The following LDLRAD3 variants were observed in gnomAD, a reference collection of about 807,000 sequenced individuals.
LDLRAD3 encodes the protein low-density lipoprotein receptor class A domain-containing protein 3.
Under a neutral mutation model 29.4 loss-of-function variants are expected in LDLRAD3, and 20 were observed. The observed-to-expected ratio is 0.68, with a 90% CI of 0.48 to 0.99. LDLRAD3 has a LOEUF of 0.99. Ranked by LOEUF, LDLRAD3 falls within the 50% of genes least tolerant of loss-of-function variation. The pLI, the probability that LDLRAD3 is intolerant of heterozygous loss-of-function variation, is 0.00. For missense variants in LDLRAD3, 420 were observed against 454.3 expected (o/e 0.92, Z 0.69); for synonymous variants, 157 against 192.7 (o/e 0.81, Z 1.53).
intron 1 of LDLRAD3, among the ~76,000 whole-genome samples, chr11:35,982,081 T>C (rs2133157969): frequency 6.6e-6 from 1 of 152,300 alleles, no homozygotes; most frequent in South Asian, 2.1e-4. Context: ...AATAGTTTTC[T>C]GGAGTGGGTG....
chr11:36,055,518 C>G lies in LDLRAD3; in HGVS notation c.193+19269C>G, dbSNP rs748449649. Among the ~76,000 whole-genome samples the G allele has an allele frequency of 3.0e-4, 45 of 152,312 alleles. 1 individual carries two copies. Among genetic ancestry groups the G allele is most frequent in the Middle Eastern group, 6.8e-3 (2 of 294 alleles). On this transcript the variant is annotated intron_variant, in intron 2 of 5. Coordinates refer to ENST00000315571, the MANE Select transcript of LDLRAD3 (RefSeq NM_174902.4). Reference sequence around the variant, plus strand: ...GCCTCACTGGCTTCTCCATTTAATTCCATGGTGCTAGGGGCACTCCCACTG... The same window carrying G: ...GCCTCACTGGCTTCTCCATTTAATTGCATGGTGCTAGGGGCACTCCCACTG...
At chr11:36,071,005 C>T (rs4545528) in intron 2 of LDLRAD3, among the ~76,000 whole-genome samples, 32,593 of 152,034 alleles carry the variant, frequency 0.21, 3,791 homozygotes, top group East Asian at 0.44. Flanking sequence ...CAGCAAAGAT[C>T]GATGCCCTGT....
chr11:35,996,525 C>T (rs573759128), intron 1 of LDLRAD3, among the ~76,000 whole-genome samples: 25 of 152,242 alleles, frequency 1.6e-4, no homozygotes, highest in Middle Eastern at 6.8e-3. Context: ...AAGTGGCACA[C>T]GAGGTTGGAA....
intron 4 of LDLRAD3, among the ~76,000 whole-genome samples, chr11:36,164,176 GC>G (rs1208898857): frequency 6.6e-6 from 1 of 152,204 alleles, no homozygotes; most frequent in African/African-American, 2.4e-5. Context: ...CTGTCCCTGT[GC>G]ATCTCATACA....
At chr11:36,169,921 G>T (rs181047586) in intron 4 of LDLRAD3, among the ~76,000 whole-genome samples, 44 of 152,118 alleles carry the variant, frequency 2.9e-4, no homozygotes, top group African/African-American at 8.4e-4. Context: ...TGGTTCCATG[G>T]ATAAGTTCTT....
At chr11:35,973,401 C>T (rs1007116939) in intron 1 of LDLRAD3, among the ~76,000 whole-genome samples, 1 of 152,050 alleles carries the variant, frequency 6.6e-6, no homozygotes, top group African/African-American at 2.4e-5. Flanking sequence ...TTCTAAATAC[C>T]TGTAGAAATG....
intron 1 of LDLRAD3, among the ~76,000 whole-genome samples, chr11:35,958,066 G>A (rs1851227704): frequency 6.6e-6 from 1 of 152,182 alleles, no homozygotes; most frequent in Non-Finnish European, 1.5e-5. Context: ...GTAGGGGAGA[G>A]TTATCGTGCC....
intron 4 of LDLRAD3, among the ~76,000 whole-genome samples, chr11:36,170,253 T>A (rs1854575638): frequency 6.7e-6 from 1 of 149,698 alleles, no homozygotes; most frequent in African/African-American, 2.5e-5. Context: ...TGTGTATATA[T>A]ATATACACAT....
intron 4 of LDLRAD3, among the ~76,000 whole-genome samples, chr11:36,101,513 G>A (rs1325562048): frequency 6.6e-6 from 1 of 152,160 alleles, no homozygotes; most frequent in Non-Finnish European, 1.5e-5. Flanking sequence ...TATTATTGTT[G>A]TTTAAATTGG....
chr11:36,223,453 G>A (rs536777097), intron 4 of LDLRAD3, among the ~76,000 whole-genome samples: 1 of 152,296 alleles, frequency 6.6e-6, no homozygotes, highest in African/African-American at 2.4e-5. Context: ...CACTGGCCAG[G>A]AGTGGTGACT....
At chr11:36,043,756 TC>T (rs1852411962) in intron 2 of LDLRAD3, among the ~76,000 whole-genome samples, 3 of 152,284 alleles carry the variant, frequency 2.0e-5, no homozygotes, top group African/African-American at 7.2e-5. Context: ...GCATCTTGGT[TC>T]TTGGCAAGCC....
intron 1 of LDLRAD3, among the ~76,000 whole-genome samples, chr11:36,015,910 A>G (rs1439827211): frequency 6.6e-6 from 1 of 152,136 alleles, no homozygotes; most frequent in Non-Finnish European, 1.5e-5. Flanking sequence ...GCGCCCTTGA[A>G]TGAGCTCGTC....
At chr11:36,164,340 T>A (rs913362173) in intron 4 of LDLRAD3, among the ~76,000 whole-genome samples, 8 of 152,228 alleles carry the variant, frequency 5.3e-5, no homozygotes, top group Admixed American at 3.9e-4. Flanking sequence ...AGTCAGCCAC[T>A]TAGAACATTT....
At chr11:36,062,295 G>A (rs1008668929) in intron 2 of LDLRAD3, among the ~76,000 whole-genome samples, 32 of 152,156 alleles carry the variant, frequency 2.1e-4, no homozygotes, top group African/African-American at 7.0e-4. Context: ...AAATCCAAGA[G>A]TATTGACCTT....
At chr11:36,009,325 C>A (rs911921858) in intron 1 of LDLRAD3, among the ~76,000 whole-genome samples, 2 of 152,174 alleles carry the variant, frequency 1.3e-5, no homozygotes, top group Admixed American at 6.5e-5. Context: ...ATAGTTTAGA[C>A]CCCCTGCTCT....
chr11:36,207,825 G>A (rs1454476000), intron 4 of LDLRAD3, among the ~76,000 whole-genome samples: 2 of 152,208 alleles, frequency 1.3e-5, no homozygotes, highest in Non-Finnish European at 2.9e-5. Flanking sequence ...CATCTGGAGC[G>A]AGGGCAGAGA....
chr11:36,065,524 A>G (rs1852777191), intron 2 of LDLRAD3, among the ~76,000 whole-genome samples: 1 of 152,208 alleles, frequency 6.6e-6, no homozygotes, highest in African/African-American at 2.4e-5. Flanking sequence ...AGAAGGCATT[A>G]TAGAAATTTC....
intron 2 of LDLRAD3, among the ~76,000 whole-genome samples, chr11:36,061,701 C>T (rs1334772652): frequency 1.3e-5 from 2 of 152,108 alleles, no homozygotes; most frequent in African/African-American, 2.4e-5. Context: ...AGAAAAGACT[C>T]GACCACAGGG....
chr11:35,976,706 C>G (rs1470607402), intron 1 of LDLRAD3, among the ~76,000 whole-genome samples: 1 of 151,010 alleles, frequency 6.6e-6, no homozygotes. Context: ...TCTCTAGGAG[C>G]TTAGTCTGGT....
Sources: allele counts gnomAD v4.1 joint callset (sites outside exome capture counted in the v4.1 genomes callset), GRCh38; gene constraint gnomAD v4.1.1; transcripts MANE v1.5; gene names NCBI Gene and HGNC (gene_info 2026-07-23, HGNC 2026-07-21).